Variants in EP400 observed in about 807,000 individuals in gnomAD.
EP400 encodes the protein E1A-binding protein p400.
Under a neutral mutation model 354.1 loss-of-function variants are expected in EP400, and 105 were observed. That is an observed-to-expected ratio of 0.30 (90% CI 0.25 to 0.35). The LOEUF (loss-of-function observed/expected upper bound fraction) is 0.35, where lower values mean the gene tolerates loss of function less well. EP400 is among the 10% of genes least tolerant of loss of function. The pLI, the probability that EP400 is intolerant of heterozygous loss-of-function variation, is 1.00. For missense variants in EP400, 3,280 were observed against 4,121.0 expected, an observed-to-expected ratio of 0.80 and a Z score of 5.59; for synonymous variants, 1,646 against 1,716.9, an observed-to-expected ratio of 0.96 and a Z score of 1.02.
At chr12:131,985,518 C>G (rs1892825642) in intron 5 of EP400, among the ~76,000 whole-genome samples, 1 of 152,202 alleles carries the variant, frequency 6.6e-6, no homozygotes, top group Non-Finnish European at 1.5e-5. Context: ...CTTCACTCAG[C>G]CCACCTTCCC....
At chr12:132,058,592 C>T (rs1246990743) in intron 45 of EP400, among the ~76,000 whole-genome samples, 2 of 152,018 alleles carry the variant, frequency 1.3e-5, no homozygotes, top group African/African-American at 4.8e-5. Context: ...TCTCGTGATC[C>T]ACCCACCTCA....
chr12:131,961,029 C>T lies in EP400; in HGVS notation c.410C>T (p.Thr137Met), dbSNP rs773619640. The change falls in exon 2 of 53, where the codon ACG (threonine) becomes ATG (methionine). Residue 137 changes from threonine (T) to methionine (M), a missense_variant. By Grantham distance (81) the Thr-to-Met change is moderately conservative. Transcript: ENST00000389561. ...CAGCAGGTCCAGACCCAGAGTCCCA[C>T]GCAGCCCAGTCCGGGGCCGGGGCAG... ...LSQQVQTQSPTQPSPGPGQAL... is the reference protein window; with the variant it reads ...LSQQVQTQSPMQPSPGPGQAL... 7.6e-5 allele frequency: 122 copies of T among 1,595,012 alleles called. No homozygotes were observed. In the East Asian group the frequency reaches 2.4e-3, roughly 32 times the overall value.
In EP400 at chr12:132,048,796, C is replaced by T. The variant is rs1895199528; in HGVS notation, c.7201-1527C>T. 2.0e-5 allele frequency among the ~76,000 whole-genome samples: 3 copies of T among 152,182 alleles called. No individual in the cohort carries two copies. In the South Asian group the frequency reaches 6.2e-4, roughly 32 times the overall value. On this transcript the variant is annotated intron_variant, in intron 39 of 52. Coordinates refer to ENST00000389561, the MANE Select transcript of EP400 (RefSeq NM_015409.5). ...ATCTCCTGACCTCAGATAATCTACCCACCTCGGCCTCCCAAAGTGTTGGGA... is the reference window on the plus strand; with the variant it reads ...ATCTCCTGACCTCAGATAATCTACCTACCTCGGCCTCCCAAAGTGTTGGGA...
Position 132,067,633 on chromosome 12 carries a change from C to T in EP400, c.8874+147C>T, listed in dbSNP as rs1417872089. 12 of 1,158,760 alleles carry T rather than the reference C, an allele frequency of 1.0e-5. No individual in the cohort carries two copies. The highest frequency in any genetic ancestry group is 1.4e-5 in the Non-Finnish European group (12 of 834,276). The allele number at this position is 1,158,760 out of a possible 1,614,324, so 71.8% of individuals were successfully genotyped here. A position where few individuals can be genotyped will look rare whatever the true frequency, so the allele number is the denominator to read the frequency against. ...CAAGGGCTGGAGGTGCTAGTGTGGT[C>T]ATCCCTGTTGGTTTTTCCTTCCTTT... is the stretch of plus-strand genomic sequence containing the variant. On this transcript the variant is annotated intron_variant, in intron 50 of 52. Transcript: ENST00000389561. This position sits in a 1 kb window ranked among gnomAD's most constrained non-coding sequence, Gnocchi z 5.3.
chr12:132,019,617 G>A (rs1894058717), intron 21 of EP400, among the ~76,000 whole-genome samples: 1 of 152,138 alleles, frequency 6.6e-6, no homozygotes, highest in Non-Finnish European at 1.5e-5. Context: ...CAAGAGGATT[G>A]CTTGAAGCCG....
At chr12:131,954,721 T>C (rs1458403321) in intron 1 of EP400, among the ~76,000 whole-genome samples, 11 of 85,888 alleles carry the variant, frequency 1.3e-4, no homozygotes, top group Non-Finnish European at 2.6e-4. Flanking sequence ...TGAGACTCCA[T>C]CTCAGAAAAA....
At position 131,960,706 on chromosome 12, in the gene EP400, G is replaced by GGGGC; in HGVS notation, c.88_89insGGCG (p.Ala30GlyfsTer36). On this transcript the variant is annotated frameshift_variant, in exon 2 of 53. Coordinates refer to ENST00000389561, the MANE Select transcript of EP400 (RefSeq NM_015409.5). LOFTEE classifies it high-confidence loss of function. ...CTGGCAGCGAGGGTGAGGAGCAGCC[G>GGGGC]GCCCACCCCAACCCACCCCCGTCCC... 6.4e-7 allele frequency: 1 copy of GGGGC among 1,552,252 alleles called. No homozygotes were observed. The highest frequency in any genetic ancestry group is 8.7e-7 in the Non-Finnish European group (1 of 1,150,284).
At chr12:132,022,488 A>T (rs1370694205) in intron 23 of EP400, among the ~76,000 whole-genome samples, 2 of 152,196 alleles carry the variant, frequency 1.3e-5, no homozygotes, top group African/African-American at 4.8e-5. Context: ...TAATTCTGGC[A>T]TGGATTTCTC....
At chr12:132,060,855 G>C (rs945018185) in intron 45 of EP400, among the ~76,000 whole-genome samples, 1 of 151,212 alleles carries the variant, frequency 6.6e-6, no homozygotes, top group Non-Finnish European at 1.5e-5. Context: ...CAGAGGTTGC[G>C]GTGAGCCAAG....
chr12:132,005,300 A>T (rs1338006410), intron 13 of EP400, 116 bp downstream of exon 13: 1 of 649,662 alleles, frequency 1.5e-6, no homozygotes, highest in Non-Finnish European at 2.4e-6. Context: ...AAAAATTAGA[A>T]ATATTTAATA....
At chr12:131,966,562 CAAAAAAAAAAAAAAAA>C (rs534384776) in intron 2 of EP400, among the ~76,000 whole-genome samples, 1 of 57,518 alleles carries the variant, frequency 1.7e-5, no homozygotes, top group African/African-American at 5.7e-5. Flanking sequence ...TACCCTACCT[CAAAAAAAAAAAAAAAA>C]AAAAAAAAAG....
chr12:131,986,008 T>C (rs559630547), intron 5 of EP400, among the ~76,000 whole-genome samples: 22 of 152,294 alleles, frequency 1.4e-4, no homozygotes, highest in African/African-American at 5.1e-4. Flanking sequence ...AGGGTCTTGC[T>C]TCGTTGCCCA....
chr12:132,060,478 A>G (rs1027696164), intron 45 of EP400, among the ~76,000 whole-genome samples: 2 of 152,234 alleles, frequency 1.3e-5, no homozygotes, highest in Non-Finnish European at 2.9e-5. Context: ...TCAAGCAGCC[A>G]TAGGAAAAGA....
At chr12:132,010,042 A>G (rs1197136385) in intron 15 of EP400, among the ~76,000 whole-genome samples, 10 of 150,438 alleles carry the variant, frequency 6.6e-5, no homozygotes, top group Non-Finnish European at 1.2e-4. Flanking sequence ...GTGTTAAAAT[A>G]TCATCTGGAT....
At chr12:132,048,305 A>G (rs1238756351) in intron 39 of EP400, among the ~76,000 whole-genome samples, 1 of 152,204 alleles carries the variant, frequency 6.6e-6, no homozygotes, top group African/African-American at 2.4e-5. Context: ...TAGAGATTGC[A>G]GTAAAGACAG....
intron 1 of EP400, among the ~76,000 whole-genome samples, chr12:131,954,981 C>T (rs1175039334): frequency 1.3e-5 from 2 of 152,034 alleles, no homozygotes; most frequent in East Asian, 3.9e-4. Context: ...CAGGATTGTG[C>T]CACTATACTG....
At chr12:131,999,569 G>A (rs1022842777) in intron 12 of EP400, among the ~76,000 whole-genome samples, 2 of 152,084 alleles carry the variant, frequency 1.3e-5, no homozygotes, top group Non-Finnish European at 2.9e-5. Context: ...CTCCTGAGTA[G>A]CTGGGATTAT....
At chr12:131,978,608 A>G (rs915308595) in intron 2 of EP400, among the ~76,000 whole-genome samples, 1 of 151,946 alleles carries the variant, frequency 6.6e-6, no homozygotes, top group Non-Finnish European at 1.5e-5. Flanking sequence ...CTGCAGCTTC[A>G]AACTCTTGGG....
At chr12:132,001,560 C>T (rs1893415692) in intron 12 of EP400, among the ~76,000 whole-genome samples, 1 of 152,118 alleles carries the variant, frequency 6.6e-6, no homozygotes, top group South Asian at 2.1e-4. Context: ...GTCAGGGCCT[C>T]CACAAGAGGT....
Sources: gnomAD v4.1 joint callset for allele counts (sites outside exome capture counted in the v4.1 genomes callset) on GRCh38, gnomAD v4.1.1 for gene constraint, Gnocchi (gnomAD v3.1) non-coding constraint, MANE v1.5 for transcripts, NCBI Gene and HGNC (gene_info 2026-07-23, HGNC 2026-07-21) for gene names.